Variants in ABCA4 observed in about 807,000 individuals in gnomAD.
ABCA4 encodes the protein retinal-specific phospholipid-transporting ATPase ABCA4.
ABCA4 carries 196 observed loss-of-function variants against 263.7 expected under a neutral mutation model. The observed-to-expected ratio is 0.74, with a 90% CI of 0.66 to 0.84. ABCA4 has a LOEUF of 0.84. ABCA4 is among the 40% of genes least tolerant of loss of function. ABCA4 has a pLI of 0.00. For synonymous variants in ABCA4, 1,133 were observed against 1,094.2 expected, an observed-to-expected ratio of 1.04 and a Z score of -0.70; for missense variants, 2,792 against 2,855.1, an observed-to-expected ratio of 0.98 and a Z score of 0.50.
At position 94,120,470 on chromosome 1, in the gene ABCA4, A is replaced by G. The variant is rs4147797; in HGVS notation, c.66+510T>C. Among the ~76,000 whole-genome samples, 20 of 152,324 alleles carry G rather than the reference A, an allele frequency of 1.3e-4. No individual in the cohort carries two copies. The East Asian group carries it at 3.9e-3, about 29-fold the overall frequency. On this transcript the variant is annotated intron_variant, in intron 1 of 49. Transcript: ENST00000370225. ...AAAGAAAAATAATGTGTCCAGTTAA[A>G]CTGTGACTTGATCGTGAGCTGCATC...
At chr1:94,094,980 C>T (rs1662083466) in intron 6 of ABCA4, among the ~76,000 whole-genome samples, 1 of 152,218 alleles carries the variant, frequency 6.6e-6, no homozygotes, top group South Asian at 2.1e-4. Context: ...TGAAGACAAG[C>T]TCCTTCAGGT....
chr1:93,996,753 T>C (rs933902007), intron 48 of ABCA4, among the ~76,000 whole-genome samples: 2 of 152,128 alleles, frequency 1.3e-5, no homozygotes, highest in African/African-American at 4.8e-5. Flanking sequence ...AATGAATAGA[T>C]GGATGAACAA....
At position 94,056,652 on chromosome 1, in the gene ABCA4, G is replaced by A. The variant is rs1297313992; in HGVS notation, c.2331C>T (p.Ile777=). 5.0e-6 allele frequency: 8 copies of A among 1,613,902 alleles called. No homozygotes were observed. The highest frequency in any genetic ancestry group is 6.8e-6 in the Non-Finnish European group (8 of 1,180,056). The change falls in exon 15 of 50, where the codon ATC becomes ATT. Residue 777 remains isoleucine (I), a synonymous_variant. Coordinates refer to ENST00000370225, the MANE Select transcript of ABCA4 (RefSeq NM_000350.3). ...TGCGGTCCTGCCAGGCGAAGCACAG[G>A]ATGTGTGGCAGGTAGAGGGTGAAAT... ...VIYFTLYLPH[I]LCFAWQDRMT...
At chr1:94,016,383 G>C (rs929044159) in intron 36 of ABCA4, among the ~76,000 whole-genome samples, 1 of 152,152 alleles carries the variant, frequency 6.6e-6, no homozygotes. Context: ...CGTGGGGTGT[G>C]GAGGCCTCAA....
chr1:94,090,313 T>C (rs1286599540), intron 6 of ABCA4, among the ~76,000 whole-genome samples: 1 of 152,090 alleles, frequency 6.6e-6, no homozygotes, highest in African/African-American at 2.4e-5. Flanking sequence ...TTAATATTCA[T>C]TCATTATAAT....
chr1:94,096,312 G>A (rs1189845364), intron 6 of ABCA4, among the ~76,000 whole-genome samples: 1 of 152,144 alleles, frequency 6.6e-6, no homozygotes, highest in East Asian at 1.9e-4. Context: ...AAAAGCTACC[G>A]CTCGGGGGGA....
At chr1:94,102,264 G>A (rs992906781) in intron 5 of ABCA4, among the ~76,000 whole-genome samples, 1 of 152,138 alleles carries the variant, frequency 6.6e-6, no homozygotes, top group African/African-American at 2.4e-5. Context: ...TGTGCCAGGG[G>A]ATAGAAGAAG....
chr1:93,993,377 G>C, intron 49 of ABCA4, 135 bp from the exon 50 acceptor site: 1 of 1,102,212 alleles, frequency 9.1e-7, no homozygotes, highest in East Asian at 2.5e-5. Flanking sequence ...GATTCTGTCA[G>C]ATCACCCAGG....
rs1165674216 is a variant in ABCA4, at chr1:94,063,020, T to C, written c.1760+92A>G. On this transcript the variant is annotated intron_variant, in intron 12 of 49. Transcript: ENST00000370225. ...TTCTTATTTAACTTAATTTTATTGATTTATGAGTCCAGTCTCAATCCCTTT... is the reference window on the plus strand; with the variant it reads ...TTCTTATTTAACTTAATTTTATTGACTTATGAGTCCAGTCTCAATCCCTTT... The C allele has an allele frequency of 3.1e-6, 4 of 1,272,096 alleles. No individual in the cohort carries two copies. The African/African-American group carries it at 4.4e-5, about 14-fold the overall frequency. 78.8% of individuals were successfully genotyped at this position (1,272,096 alleles called of 1,614,324 possible).
chr1:94,115,430 T>A (rs1662732648), intron 1 of ABCA4, among the ~76,000 whole-genome samples: 1 of 152,142 alleles, frequency 6.6e-6, no homozygotes, highest in Non-Finnish European at 1.5e-5. Context: ...AACCTCTGAG[T>A]CTCAGTTTTG....
At chr1:94,084,243 G>A (rs919729739) in intron 6 of ABCA4, among the ~76,000 whole-genome samples, 3 of 152,248 alleles carry the variant, frequency 2.0e-5, no homozygotes, top group African/African-American at 7.2e-5. Context: ...GTAGGACTGA[G>A]TTCTAAGTGT....
chr1:94,088,377 C>A (rs1443598739), intron 6 of ABCA4, among the ~76,000 whole-genome samples: 1 of 152,194 alleles, frequency 6.6e-6, no homozygotes, highest in Non-Finnish European at 1.5e-5. Context: ...TCTGCACACT[C>A]CCCGGATAGT....
At position 94,103,096 on chromosome 1, in the gene ABCA4, C is replaced by T. The variant is rs752699427; in HGVS notation, c.489G>A (p.Leu163=). The change falls in exon 5 of 50, where the codon CTG becomes CTA. Residue 163 remains leucine, a synonymous_variant. Transcript: ENST00000370225. ...CGATGTTTTTAATGAGAAATAGTGT[C>T]AGTGTTTCTTCATCTTTCAAGATAT... The part of the protein sequence containing the change: ...IRDILKDEET[L]TLFLIKNIGL... 13 of 1,613,960 alleles carry T rather than the reference C, an allele frequency of 8.1e-6. No individual in the cohort carries two copies. In the South Asian group the frequency reaches 1.2e-4, roughly 15 times the overall value.
intron 30 of ABCA4, among the ~76,000 whole-genome samples, chr1:94,026,181 G>T (rs552576836): frequency 1.4e-4 from 21 of 152,086 alleles, no homozygotes; most frequent in African/African-American, 5.1e-4. Context: ...CCGTTATTGC[G>T]CACCATTCTT....
rs1409944940 is a variant in ABCA4, at chr1:94,041,236, G to A, written c.3495C>T (p.Asn1165=). The change falls in exon 23 of 50, where the codon AAC becomes AAT. Residue 1165 remains asparagine, a synonymous_variant. Transcript: ENST00000370225. ...CACTGCCTTTCCTTTGGCTCTGGAT[G>A]TTTTTCATCTTGCGCACCAAGGTTA... ...LYLTLVRKMK[N]IQSQRKGSEG... The A allele has an allele frequency of 1.2e-6, 2 of 1,614,174 alleles. No individual in the cohort carries two copies. Among genetic ancestry groups the A allele is most frequent in the Non-Finnish European group, 1.7e-6 (2 of 1,180,050 alleles).
At position 94,028,930 on chromosome 1, in the gene ABCA4, A is replaced by AAAAAAAAAAAAAAAAC. The variant is rs35998587; in HGVS notation, c.4539+514_4539+515insGTTTTTTTTTTTTTTT. On this transcript the variant is annotated intron_variant, in intron 30 of 49. Coordinates refer to ENST00000370225, the MANE Select transcript of ABCA4 (RefSeq NM_000350.3). ...TCAAAAAAAAAAAAAAAAAAAAAAA[A>AAAAAAAAAAAAAAAAC]GAAATTCAAACAATGGGATAATATA... Among the ~76,000 whole-genome samples the AAAAAAAAAAAAAAAAC allele has an allele frequency of 5.6e-5, 6 of 108,032 alleles. 1 individual carries two copies. Among genetic ancestry groups the AAAAAAAAAAAAAAAAC allele is most frequent in the African/African-American group, 7.6e-5 (2 of 26,332 alleles). The allele number at this position is 108,032 out of a possible 152,430, so 70.9% of individuals were successfully genotyped here.
intron 5 of ABCA4, among the ~76,000 whole-genome samples, chr1:94,099,303 A>G (rs1353112050): frequency 6.6e-6 from 1 of 152,208 alleles, no homozygotes; most frequent in Non-Finnish European, 1.5e-5. Context: ...CTAGCCAAAG[A>G]ATGTGGCGTG....
At chr1:94,037,910 T>A (rs186227202) in intron 24 of ABCA4, among the ~76,000 whole-genome samples, 25 of 152,318 alleles carry the variant, frequency 1.6e-4, no homozygotes, top group Non-Finnish European at 3.2e-4. Flanking sequence ...CACTGAAAAC[T>A]TGAGGGCTAA....
rs760706416 is a variant in ABCA4 at position 94,021,330 on chromosome 1, AGGCT to A, written c.4924_4927del (p.Ser1642CysfsTer19). 1.2e-6 allele frequency: 2 copies of A among 1,614,206 alleles called. No individual in the cohort carries two copies. Among genetic ancestry groups the A allele is most frequent in the South Asian group, 2.2e-5 (2 of 91,082 alleles). ...CTCCTCGGGGCTCCTGTCCTTAGGC[AGGCT>A]GGCCCGTAAGATGGCGTTGTGGGCC... On this transcript the variant is annotated frameshift_variant, in exon 35 of 50. Coordinates refer to ENST00000370225, the MANE Select transcript of ABCA4 (RefSeq NM_000350.3). LOFTEE classifies it high-confidence loss of function.
Sources: allele counts gnomAD v4.1 joint callset (sites outside exome capture counted in the v4.1 genomes callset), GRCh38; gene constraint gnomAD v4.1.1; transcripts MANE v1.5; gene names NCBI Gene and HGNC (gene_info 2026-07-23, HGNC 2026-07-21).